CACNA1A: variants seen among roughly 807,000 people sequenced by gnomAD.
CACNA1A encodes voltage-dependent P/Q-type calcium channel subunit alpha-1A.
Under a neutral mutation model 262.4 loss-of-function variants are expected in CACNA1A, and 57 were observed. The observed-to-expected ratio is 0.22, with a 90% CI of 0.18 to 0.27. CACNA1A has a LOEUF of 0.27. Ranked by LOEUF, CACNA1A falls within the 10% of genes least tolerant of loss-of-function variation. The pLI is 1.00. For missense variants in CACNA1A, 2,526 were observed against 3,562.8 expected (o/e 0.71, Z 7.41); for synonymous variants, 1,431 against 1,419.3 (o/e 1.01, Z -0.18).
chr19:13,237,837 C>G (rs2055927009), intron 31 of CACNA1A, among the ~76,000 whole-genome samples: 1 of 152,160 alleles, frequency 6.6e-6, no homozygotes, highest in Non-Finnish European at 1.5e-5. Context: ...GTATCCCCAG[C>G]CCCCTCCCGT....
rs2056090113 is a variant in CACNA1A at position 13,241,834 on chromosome 19, C to CAAGATAATGACTGTGT, written c.4950+3347_4950+3348insACACAGTCATTATCTT. On this transcript the variant is annotated intron_variant, in intron 31 of 46. Coordinates refer to ENST00000360228, the MANE Select transcript of CACNA1A (RefSeq NM_001127222.2). This position sits in a 1 kb window ranked among gnomAD's most constrained non-coding sequence, Gnocchi z 4.0. ...ATGAAAAGAGACAAGACAAGAAACACAGTCATTATCCATTGCACACAGGGC... is the reference window on the plus strand; with the variant it reads ...ATGAAAAGAGACAAGACAAGAAACACAAGATAATGACTGTGTAGTCATTATCCATTGCACACAGGGC... Among the ~76,000 whole-genome samples the CAAGATAATGACTGTGT allele has an allele frequency of 6.6e-6, 1 of 152,172 alleles. No individual in the cohort carries two copies. The highest frequency in any genetic ancestry group is 1.5e-5 in the Non-Finnish European group (1 of 68,040).
At chr19:13,346,113 A>G (rs2058760044) in intron 6 of CACNA1A, among the ~76,000 whole-genome samples, 1 of 152,148 alleles carries the variant, frequency 6.6e-6, no homozygotes, top group African/African-American at 2.4e-5. Context: ...CATGTTGGCC[A>G]GGCTGGTCTG....
chr19:13,402,915 T>TATATAC (rs1416419043), intron 3 of CACNA1A, among the ~76,000 whole-genome samples: 2 of 122,002 alleles, frequency 1.6e-5, no homozygotes, highest in Non-Finnish European at 1.7e-5. Flanking sequence ...TATATATATA[T>TATATAC]ACTTGCAAGT....
At chr19:13,215,527 C>T (rs369508085) in intron 38 of CACNA1A, among the ~76,000 whole-genome samples, 1 of 151,738 alleles carries the variant, frequency 6.6e-6, no homozygotes, top group Middle Eastern at 3.4e-3. Flanking sequence ...CCATGTTGGC[C>T]AGGCTGGTCT....
chr19:13,317,040 G>C, intron 11 of CACNA1A, 72 bp downstream of exon 11: 1 of 972,890 alleles, frequency 1.0e-6, no homozygotes, highest in South Asian at 1.5e-5. Context: ...TACTACCAGA[G>C]AAAGAGAAGT....
intron 38 of CACNA1A, among the ~76,000 whole-genome samples, chr19:13,216,909 G>A (rs1278443314): frequency 6.6e-6 from 1 of 152,152 alleles, no homozygotes; most frequent in Non-Finnish European, 1.5e-5. Flanking sequence ...CAATGCCTGG[G>A]GTGGGGGGCT....
At position 13,261,551 on chromosome 19, in the gene CACNA1A, G is replaced by A; in HGVS notation, c.4149C>T (p.Tyr1383=). The change falls in exon 26 of 47, where the codon TAC becomes TAT. Residue 1383 remains tyrosine (Y), a synonymous_variant. Transcript: ENST00000360228. ...LKNVFNILIV[Y]MLFMFIFAVV... ...CGGCGAAGATGAACATGAATAGCAT[G>A]TAGACGATGAGGATGTTGAAGACGT... is the stretch of plus-strand genomic sequence containing the variant. 1 of 1,607,834 alleles carries A rather than the reference G, an allele frequency of 6.2e-7. No homozygotes were observed. Among genetic ancestry groups the A allele is most frequent in the South Asian group, 1.1e-5 (1 of 89,632 alleles).
intron 6 of CACNA1A, among the ~76,000 whole-genome samples, chr19:13,358,339 G>C (rs990769245): frequency 6.6e-6 from 1 of 152,238 alleles, no homozygotes; most frequent in African/African-American, 2.4e-5. Context: ...GCAGAGGCGG[G>C]AGGATTGCTT....
At chr19:13,411,708 C>G (rs938257865) in intron 3 of CACNA1A, among the ~76,000 whole-genome samples, 2 of 151,710 alleles carry the variant, frequency 1.3e-5, no homozygotes, top group Admixed American at 1.3e-4. Flanking sequence ...CTCTCTCTCT[C>G]TCTCTCCCCA....
Position 13,307,788 on chromosome 19 carries a change from C to T in CACNA1A, c.1980G>A (p.Val660=). The T allele has an allele frequency of 6.2e-7, 1 of 1,613,944 alleles. No individual in the cohort carries two copies. Among genetic ancestry groups the T allele is most frequent in the East Asian group, 2.2e-5 (1 of 44,880 alleles). Residue 660 remains valine, a synonymous_variant, in exon 15 of 47, where the codon GTG becomes GTA. Coordinates refer to ENST00000360228, the MANE Select transcript of CACNA1A (RefSeq NM_001127222.2). The stretch of plus-strand genomic sequence containing the variant: ...GGCCAGGTGGAGGCTGTACCTGAAA[C>T]ACCGTCATTATTGCTGCTGGAAAAG... The part of the protein sequence containing the change: ...FDTFPAAIMT[V]FQILTGEDWN...
At position 13,241,414 on chromosome 19, in the gene CACNA1A, A is replaced by G; in HGVS notation, c.4950+3768T>C. On this transcript the variant is annotated intron_variant, in intron 31 of 46. Coordinates refer to ENST00000360228, the MANE Select transcript of CACNA1A (RefSeq NM_001127222.2). This position sits in a 1 kb window ranked among gnomAD's most constrained non-coding sequence, Gnocchi z 4.0. ...AGAGCGGAGGGTTGAGGAGAGCGTC[A>G]GGCATCCCACGTTGGAGAGGCAGGG... 2.6e-6 allele frequency: 2 copies of G among 761,048 alleles called. No individual in the cohort carries two copies. Among genetic ancestry groups the G allele is most frequent in the East Asian group, 2.7e-5 (1 of 37,398 alleles). 47.1% of individuals were successfully genotyped at this position (761,048 alleles called of 1,614,324 possible).
intron 3 of CACNA1A, among the ~76,000 whole-genome samples, chr19:13,436,220 G>A (rs1371667549): frequency 6.6e-6 from 1 of 152,160 alleles, no homozygotes; most frequent in Non-Finnish European, 1.5e-5. Context: ...CATTCCTGGT[G>A]CCCAAGGCTT....
chr19:13,303,883 A>C lies in CACNA1A; in HGVS notation c.1988T>G (p.Ile663Ser). The C allele has an allele frequency of 6.2e-7, 1 of 1,607,882 alleles. No homozygotes were observed. Among genetic ancestry groups the C allele is most frequent in the Non-Finnish European group, 8.5e-7 (1 of 1,175,050 alleles). ...CTCGTTCCAGTCTTCGCCCGTCAGG[A>C]TCTGAAAGGGGAGGAAGAAACACAC... Reference protein sequence around the residue: ...FPAAIMTVFQILTGEDWNEVM... With the variant: ...FPAAIMTVFQSLTGEDWNEVM... The change falls in exon 16 of 47, where the codon ATC (isoleucine) becomes AGC (serine). Residue 663 changes from isoleucine (I) to serine (S), a missense_variant and splice_region_variant. Around this residue, in one of 17 missense-constraint regions of CACNA1A, gnomAD observed 102 missense variants for 278.9 expected, o/e 0.37. Transcript: ENST00000360228.
At chr19:13,493,934 A>C (rs994622879) in intron 1 of CACNA1A, among the ~76,000 whole-genome samples, 3 of 152,248 alleles carry the variant, frequency 2.0e-5, no homozygotes, top group African/African-American at 7.2e-5. Flanking sequence ...TGTGAAATTA[A>C]ACAAGACACC....
In CACNA1A at chr19:13,212,672, C is replaced by A; in HGVS notation, c.6009G>T (p.Gln2003His). The A allele has an allele frequency of 6.6e-7, 1 of 1,513,074 alleles. No homozygotes were observed. Among genetic ancestry groups the A allele is most frequent in the Non-Finnish European group, 8.8e-7 (1 of 1,131,134 alleles). The allele number at this position is 1,513,074 out of a possible 1,614,324, so 93.7% of individuals were successfully genotyped here. A position where few individuals can be genotyped will look rare whatever the true frequency, so the allele number is the denominator to read the frequency against. ...CCAGCTGGGTGGAGGGGAGGGCGTT[C>A]TGGCCAGGTCCCCCTTCCTGCGTTG... Reference protein sequence around the residue: ...PSPTQEGGPGQNALPSTQLDP... With the variant: ...PSPTQEGGPGHNALPSTQLDP... The change falls in exon 41 of 47, where the codon CAG (glutamine) becomes CAT (histidine). Residue 2003 changes from glutamine to histidine, a missense_variant. Gln to His is a conservative substitution (Grantham distance 24). Transcript: ENST00000360228. This position sits in a 1 kb window ranked among gnomAD's most constrained non-coding sequence, Gnocchi z 5.6.
At chr19:13,226,283 G>C (rs2055445170) in intron 37 of CACNA1A, 1 of 130,108 alleles carries the variant, frequency 7.7e-6, no homozygotes, top group African/African-American at 3.0e-5. Context: ...GCAGGGAGGG[G>C]CACAGAGCGA....
intron 34 of CACNA1A, among the ~76,000 whole-genome samples, chr19:13,233,475 T>C (rs1003475818): frequency 6.6e-6 from 1 of 152,160 alleles, no homozygotes; most frequent in Non-Finnish European, 1.5e-5. Flanking sequence ...TAACTTTTTT[T>C]AAAAATTAAA....
intron 1 of CACNA1A, among the ~76,000 whole-genome samples, chr19:13,489,735 G>A (rs1980529244): frequency 6.6e-6 from 1 of 152,028 alleles, no homozygotes; most frequent in Non-Finnish European, 1.5e-5. Context: ...TCTCCCCAAC[G>A]AATCCCTGCT....
intron 10 of CACNA1A, among the ~76,000 whole-genome samples, chr19:13,327,556 A>G (rs1252709963): frequency 6.6e-6 from 1 of 150,638 alleles, no homozygotes; most frequent in African/African-American, 2.4e-5. Context: ...AAAAATATAT[A>G]TACATATATA....
Sources: gnomAD v4.1 joint callset for allele counts (sites outside exome capture counted in the v4.1 genomes callset) on GRCh38, gnomAD v4.1.1 for gene constraint, gnomAD v4.1.1 regional missense constraint, Gnocchi (gnomAD v3.1) non-coding constraint, MANE v1.5 for transcripts, NCBI Gene and HGNC (gene_info 2026-07-23, HGNC 2026-07-21) for gene names.